MARCHF1: variants seen among roughly 807,000 people sequenced by gnomAD.
The protein encoded by MARCHF1 is E3 ubiquitin-protein ligase MARCHF1.
Under a neutral mutation model 54.2 loss-of-function variants are expected in MARCHF1, and 40 were observed. The observed-to-expected ratio is 0.74, with a 90% CI of 0.57 to 0.96. The LOEUF is 0.96. Among genes scored for constraint, MARCHF1 ranks in the 40% least tolerant of loss-of-function variants. The probability of loss-of-function intolerance (pLI) is 0.00; values close to 1 mark genes in which losing one functional copy is unlikely to be tolerated. For synonymous variants in MARCHF1, 236 were observed against 236.3 expected (o/e 1.00, Z 0.01); for missense variants, 586 against 656.5 (o/e 0.89, Z 1.17).
chr4:163,817,018 T>C (rs1173057563), intron 4 of MARCHF1, among the ~76,000 whole-genome samples: 1 of 152,122 alleles, frequency 6.6e-6, no homozygotes, highest in African/African-American at 2.4e-5. Context: ...CTGTCTCTGC[T>C]CTTTCAGATC....
intron 2 of MARCHF1, among the ~76,000 whole-genome samples, chr4:164,016,284 C>A (rs893979264): frequency 2.6e-5 from 4 of 151,918 alleles, no homozygotes; most frequent in African/African-American, 9.7e-5. Flanking sequence ...GTGAAGGAAG[C>A]GAAGGGGGAA....
At chr4:164,350,115 C>T (rs1022000862) in intron 1 of MARCHF1, among the ~76,000 whole-genome samples, 7 of 152,116 alleles carry the variant, frequency 4.6e-5, no homozygotes, top group Non-Finnish European at 1.0e-4. Flanking sequence ...CAAATATATA[C>T]ATATTTTAAT....
chr4:163,709,914 A>T (rs1267417803), intron 4 of MARCHF1, among the ~76,000 whole-genome samples: 1 of 152,208 alleles, frequency 6.6e-6, no homozygotes, highest in African/African-American at 2.4e-5. Flanking sequence ...CACTGTATAA[A>T]TATAAACTAG....
intron 1 of MARCHF1, chr4:164,189,661 G>A (rs1319913931): frequency 1.3e-5 from 12 of 929,970 alleles, no homozygotes; most frequent in Non-Finnish European, 2.2e-5. Context: ...TGAAACTGTG[G>A]GAGGTGTCAT....
intron 2 of MARCHF1, among the ~76,000 whole-genome samples, chr4:164,055,636 C>A (rs1419987688): frequency 6.6e-6 from 1 of 152,068 alleles, no homozygotes; most frequent in Admixed American, 6.6e-5. Context: ...TAAAACATTT[C>A]TCTTTTTGAC....
intron 1 of MARCHF1, among the ~76,000 whole-genome samples, chr4:164,310,829 TA>T (rs1221475700): frequency 6.6e-6 from 1 of 152,136 alleles, no homozygotes; most frequent in African/African-American, 2.4e-5. Flanking sequence ...TAATTTATCA[TA>T]CACAGTTTAG....
intron 2 of MARCHF1, among the ~76,000 whole-genome samples, chr4:164,070,562 C>G (rs1284257883): frequency 6.6e-6 from 1 of 151,794 alleles, no homozygotes; most frequent in African/African-American, 2.4e-5. Context: ...CACCAGCTGT[C>G]CCACCATCAC....
chr4:163,843,986 A>T (rs2111140047), intron 4 of MARCHF1, among the ~76,000 whole-genome samples: 1 of 151,566 alleles, frequency 6.6e-6, no homozygotes, highest in East Asian at 1.9e-4. Context: ...TTTCTTTTTT[A>T]AAAAACTTTT....
At chr4:164,241,522 G>A (rs1399669048) in intron 1 of MARCHF1, among the ~76,000 whole-genome samples, 1 of 152,198 alleles carries the variant, frequency 6.6e-6, no homozygotes, top group Non-Finnish European at 1.5e-5. Context: ...TTTGTCAAGA[G>A]GCCTAAAATC....
At chr4:164,178,136 A>G (rs551639299) in intron 1 of MARCHF1, among the ~76,000 whole-genome samples, 1 of 152,340 alleles carries the variant, frequency 6.6e-6, no homozygotes, top group Admixed American at 6.5e-5. Flanking sequence ...AAAACAGTAC[A>G]TATATCTAAA....
chr4:163,762,663 A>G (rs571115830), intron 4 of MARCHF1, among the ~76,000 whole-genome samples: 33 of 152,254 alleles, frequency 2.2e-4, no homozygotes, highest in African/African-American at 7.5e-4. Flanking sequence ...AAATTATACA[A>G]ATAGCACACT....
chr4:163,764,828 G>A (rs900084939), intron 4 of MARCHF1, among the ~76,000 whole-genome samples: 2 of 152,018 alleles, frequency 1.3e-5, no homozygotes, highest in Non-Finnish European at 2.9e-5. Flanking sequence ...TGGCATGCTG[G>A]AGCTAGCTTC....
At chr4:164,176,982 A>C (rs200432090) in intron 1 of MARCHF1, among the ~76,000 whole-genome samples, 644 of 46,510 alleles carry the variant, frequency 0.014, 11 homozygotes, top group East Asian at 0.13. Flanking sequence ...CTCTCTCTCT[A>C]TATATATATA....
rs79639059 is a variant in MARCHF1 at position 164,011,469 on chromosome 4, C to T, written c.-247-22760G>A. Among the ~76,000 whole-genome samples the T allele has an allele frequency of 2.9e-3, 445 of 152,296 alleles. 4 individuals are homozygous for T. The highest frequency in any genetic ancestry group is 9.7e-3 in the African/African-American group (402 of 41,576). ...AAACTGGGCAAAAGATCTGAACACACATTTCTGCAAAAGAAACATATACAT... is the reference window on the plus strand; with the variant it reads ...AAACTGGGCAAAAGATCTGAACACATATTTCTGCAAAAGAAACATATACAT... On this transcript the variant is annotated intron_variant, in intron 2 of 9. Coordinates refer to ENST00000514618, the MANE Select transcript of MARCHF1 (RefSeq NM_001394959.1).
chr4:163,980,955 C>G (rs1245465010), intron 3 of MARCHF1, among the ~76,000 whole-genome samples: 1 of 152,158 alleles, frequency 6.6e-6, no homozygotes, highest in African/African-American at 2.4e-5. Flanking sequence ...TAGGCATAGA[C>G]CACTGTATGG....
chr4:164,334,604 G>A (rs1332016757), intron 1 of MARCHF1, among the ~76,000 whole-genome samples: 1 of 152,034 alleles, frequency 6.6e-6, no homozygotes, highest in African/African-American at 2.4e-5. Flanking sequence ...AGATGTACAA[G>A]GAGATTGATG....
chr4:163,938,576 G>T (rs919908360), intron 3 of MARCHF1, among the ~76,000 whole-genome samples: 2 of 152,176 alleles, frequency 1.3e-5, no homozygotes, highest in African/African-American at 2.4e-5. Context: ...TATCTGGGTT[G>T]CTGGGTGAAA....
At chr4:163,695,574 A>G (rs1466034957) in intron 5 of MARCHF1, among the ~76,000 whole-genome samples, 1 of 152,198 alleles carries the variant, frequency 6.6e-6, no homozygotes, top group African/African-American at 2.4e-5. Flanking sequence ...GTAATAGGAA[A>G]TGATGGAAAC....
At chr4:164,324,870 A>G (rs1036416888) in intron 1 of MARCHF1, among the ~76,000 whole-genome samples, 1 of 151,642 alleles carries the variant, frequency 6.6e-6, no homozygotes, top group Admixed American at 6.6e-5. Flanking sequence ...TATAACCAAA[A>G]TAGAAAGTCT....
Sources: allele counts gnomAD v4.1 joint callset (sites outside exome capture counted in the v4.1 genomes callset), GRCh38; gene constraint gnomAD v4.1.1; transcripts MANE v1.5; gene names NCBI Gene and HGNC (gene_info 2026-07-23, HGNC 2026-07-21).